SHISAL2A: variants seen among roughly 807,000 people sequenced by gnomAD.
The protein encoded by SHISAL2A is shisa like 2A.
SHISAL2A carries 18 observed loss-of-function variants against 11.5 expected under a neutral mutation model. That is an observed-to-expected ratio of 1.57 (90% CI 1.08 to 2.33). The LOEUF (loss-of-function observed/expected upper bound fraction) is 2.33, where lower values mean the gene tolerates loss of function less well. Ranked by LOEUF, SHISAL2A falls within the 30% of genes most tolerant of loss-of-function variation. The pLI is 0.00. For missense variants in SHISAL2A, 261 were observed against 250.9 expected (o/e 1.04, Z -0.27); for synonymous variants, 94 against 99.6 (o/e 0.94, Z 0.34).
At chr1:52,639,178 AG>A (rs1234728567) in intron 1 of SHISAL2A, among the ~76,000 whole-genome samples, 39 of 152,056 alleles carry the variant, frequency 2.6e-4, no homozygotes, top group African/African-American at 8.9e-4. Flanking sequence ...GTCTCAGAAA[AG>A]AAAAAAAAAA....
At chr1:52,642,393 C>T (rs1039829853) in intron 1 of SHISAL2A, among the ~76,000 whole-genome samples, 3 of 151,218 alleles carry the variant, frequency 2.0e-5, no homozygotes, top group Non-Finnish European at 4.4e-5. Flanking sequence ...AGGGACAAAA[C>T]AAAAGTCAAA....
In SHISAL2A at chr1:52,665,742, C is replaced by T. The variant is rs368155625; in HGVS notation, n.696-1657C>T. 3.3e-5 allele frequency among the ~76,000 whole-genome samples: 5 copies of T among 152,278 alleles called. No individual in the cohort carries two copies. In the South Asian group the frequency reaches 6.2e-4, roughly 19 times the overall value. On this transcript the variant is annotated intron_variant and non_coding_transcript_variant, in intron 4 of 5. Coordinates refer to the SHISAL2A transcript ENST00000401050. ...TCCTTCTTCTCAAGCACCATCCCCC[C>T]CCACTTCCCTGTACCCCAGATCACA...
intron 2 of SHISAL2A, among the ~76,000 whole-genome samples, chr1:52,646,290 A>G (rs1691498653): frequency 6.6e-6 from 1 of 152,224 alleles, no homozygotes; most frequent in Non-Finnish European, 1.5e-5. Context: ...ATAGAGTACT[A>G]AAGTTGAAAA....
At chr1:52,659,120 T>A (rs1268743163), downstream of SHISAL2A, among the ~76,000 whole-genome samples, 1 of 150,860 alleles carries the variant, frequency 6.6e-6, no homozygotes, top group Non-Finnish European at 1.5e-5. Flanking sequence ...CAGGCTGGAG[T>A]GCAGTGGAGA....
intron 4 of SHISAL2A, among the ~76,000 whole-genome samples, chr1:52,666,845 G>A (rs78943498): frequency 0.019 from 2,827 of 152,290 alleles, 35 homozygotes; most frequent in Non-Finnish European, 0.025. Context: ...CCAAAGTCCT[G>A]CCATGGGAAC....
intron 2 of SHISAL2A, among the ~76,000 whole-genome samples, chr1:52,652,986 AAAAAAAAAAAAAG>A: frequency 1.4e-5 from 2 of 147,882 alleles, no homozygotes; most frequent in Admixed American, 6.8e-5. Flanking sequence ...AAAAAAAAAA[AAAAAAAAAAAAAG>A]AACTAAGTTT....
At chr1:52,648,692 A>G (rs926579548) in intron 2 of SHISAL2A, among the ~76,000 whole-genome samples, 3 of 152,194 alleles carry the variant, frequency 2.0e-5, no homozygotes, top group Non-Finnish European at 4.4e-5. Flanking sequence ...GATGATTTGC[A>G]CAAGGGTCAT....
intron 5 of SHISAL2A, among the ~76,000 whole-genome samples, chr1:52,668,143 A>C (rs1227372966): frequency 6.6e-6 from 1 of 152,222 alleles, no homozygotes; most frequent in Non-Finnish European, 1.5e-5. Context: ...AAATGTCTCC[A>C]CACTTTAAGA....
intron 2 of SHISAL2A, among the ~76,000 whole-genome samples, chr1:52,652,491 C>T (rs1691688599): frequency 6.6e-6 from 1 of 151,956 alleles, no homozygotes; most frequent in Admixed American, 6.6e-5. Context: ...TAAAAAAGCA[C>T]CTCTATCCAT....
intron 2 of SHISAL2A, among the ~76,000 whole-genome samples, chr1:52,654,764 A>G (rs968546473): frequency 3.0e-4 from 46 of 152,370 alleles, no homozygotes; most frequent in African/African-American, 1.1e-3. Context: ...CAAAAGCACA[A>G]TACATTTTAA....
chr1:52,636,120 C>G (rs1558084100), intron 1 of SHISAL2A, among the ~76,000 whole-genome samples: 1 of 152,144 alleles, frequency 6.6e-6, no homozygotes, highest in African/African-American at 2.4e-5. Flanking sequence ...TGGGGCTGGT[C>G]AGAATCTGTC....
At chr1:52,642,287 G>A (rs771903735) in intron 1 of SHISAL2A, among the ~76,000 whole-genome samples, 3 of 152,156 alleles carry the variant, frequency 2.0e-5, no homozygotes, top group East Asian at 1.9e-4. Flanking sequence ...GCTGCTGAGC[G>A]GGGTCAGGTA....
At chr1:52,634,698 T>G (rs1350751791) in intron 1 of SHISAL2A, among the ~76,000 whole-genome samples, 1 of 152,114 alleles carries the variant, frequency 6.6e-6, no homozygotes, top group African/African-American at 2.4e-5. Context: ...AAAAATTGAG[T>G]GGGCCATCTC....
intron 2 of SHISAL2A, among the ~76,000 whole-genome samples, chr1:52,654,927 A>G (rs916341098): frequency 6.6e-6 from 1 of 152,218 alleles, no homozygotes; most frequent in Non-Finnish European, 1.5e-5. Context: ...TCATGCCTGT[A>G]ATCCCAGCAC....
chr1:52,647,031 G>T (rs1030847668), intron 2 of SHISAL2A, among the ~76,000 whole-genome samples: 3 of 151,908 alleles, frequency 2.0e-5, no homozygotes, highest in Admixed American at 2.0e-4. Flanking sequence ...ACAGAGTTTC[G>T]TTATATTGGC....
At chr1:52,658,060 G>A (rs977668631), downstream of SHISAL2A, among the ~76,000 whole-genome samples, 2 of 149,178 alleles carry the variant, frequency 1.3e-5, no homozygotes, top group Non-Finnish European at 3.0e-5. Context: ...TTTTTTTTGA[G>A]ACGGAGTTTT....
chr1:52,654,816 C>A (rs1189331301), intron 2 of SHISAL2A, among the ~76,000 whole-genome samples: 2 of 152,134 alleles, frequency 1.3e-5, no homozygotes, highest in Admixed American at 1.3e-4. Flanking sequence ...AATTTTAATG[C>A]TGTGAAAGAT....
intron 2 of SHISAL2A, among the ~76,000 whole-genome samples, chr1:52,654,728 A>T (rs1450135832): frequency 3.9e-5 from 6 of 152,240 alleles, no homozygotes; most frequent in Non-Finnish European, 8.8e-5. Context: ...ACATGCGGTT[A>T]TGCAAAGAAT....
At chr1:52,661,379 C>A (rs1386187757), downstream of SHISAL2A, among the ~76,000 whole-genome samples, 1 of 152,200 alleles carries the variant, frequency 6.6e-6, no homozygotes, top group Non-Finnish European at 1.5e-5. Context: ...CTCATGTATC[C>A]ACAAGAAATG....
Sources: allele counts gnomAD v4.1 joint callset (sites outside exome capture counted in the v4.1 genomes callset), GRCh38; gene constraint gnomAD v4.1.1; transcripts MANE v1.5; gene names NCBI Gene and HGNC (gene_info 2026-07-23, HGNC 2026-07-21).